The following MTMR8 variants were observed in gnomAD, a reference collection of about 807,000 sequenced individuals.
MTMR8 encodes the protein myotubularin related protein 8, also known as phosphatidylinositol-3,5-bisphosphate 3-phosphatase MTMR8.
In MTMR8, 65 loss-of-function variants were observed where a neutral mutation model predicts 39.3. That is an observed-to-expected ratio of 1.65 (90% confidence interval 1.35 to 2.03). The LOEUF is 2.03. MTMR8 is among the 30% of genes most tolerant of loss of function. The probability of loss-of-function intolerance (pLI) is 0.00; values close to 1 mark genes in which losing one functional copy is unlikely to be tolerated. For synonymous variants in MTMR8, 245 were observed against 185.2 expected (o/e 1.32, Z -2.62); for missense variants, 777 against 538.9 (o/e 1.44, Z -4.37).
At chrX:64,370,083 A>T (rs1924087886) in intron 1 of MTMR8, among the ~76,000 whole-genome samples, 2 of 111,563 alleles carry the variant, frequency 1.8e-5, no homozygotes, top group Non-Finnish European at 3.8e-5. Context: ...GTAATTAAAT[A>T]AAAACAAGAG....
intron 12 of MTMR8, among the ~76,000 whole-genome samples, chrX:64,316,453 C>G (rs1922468067): frequency 9.0e-6 from 1 of 111,446 alleles, no homozygotes; most frequent in Admixed American, 9.5e-5. Context: ...TCAAGACCAG[C>G]CTGGAGAATG....
At chrX:64,386,096 CAA>C (rs1170441790) in intron 1 of MTMR8, among the ~76,000 whole-genome samples, 1 of 101,525 alleles carries the variant, frequency 9.8e-6, no homozygotes. Flanking sequence ...TTCACCCTGA[CAA>C]AAAAAAAAAG....
At chrX:64,386,981 G>A (rs1296889903) in intron 1 of MTMR8, among the ~76,000 whole-genome samples, 4 of 111,507 alleles carry the variant, frequency 3.6e-5, no homozygotes, top group Non-Finnish European at 7.5e-5. Context: ...TTAAGCCTGG[G>A]AAGTTGAGGC....
intron 12 of MTMR8, among the ~76,000 whole-genome samples, chrX:64,271,297 C>T (rs778589120): frequency 9.0e-6 from 1 of 111,615 alleles, no homozygotes; most frequent in African/African-American, 3.3e-5. Flanking sequence ...CTTGAGCAAA[C>T]TTGAGGTTCT....
At chrX:64,354,733 C>T in intron 4 of MTMR8, 44 bp downstream of exon 4, 2 of 1,117,968 alleles carry the variant, frequency 1.8e-6, no homozygotes, top group Non-Finnish European at 2.4e-6. Flanking sequence ...ATTCTACCAT[C>T]TTAATTAAAT....
At chrX:64,349,507 G>A (rs1569225947) in intron 5 of MTMR8, among the ~76,000 whole-genome samples, 1 of 110,841 alleles carries the variant, frequency 9.0e-6, no homozygotes, top group Non-Finnish European at 1.9e-5. Context: ...TCCTACATAA[G>A]TAAGGGGATT....
chrX:64,366,286 A>G (rs999730965), intron 1 of MTMR8, among the ~76,000 whole-genome samples: 1 of 111,882 alleles, frequency 8.9e-6, no homozygotes, highest in African/African-American at 3.3e-5. Context: ...TATCCACCCC[A>G]AATCAACAGA....
chrX:64,355,747 C>T (rs779207122), intron 3 of MTMR8, among the ~76,000 whole-genome samples: 1 of 110,685 alleles, frequency 9.0e-6, no homozygotes, highest in Non-Finnish European at 1.9e-5. Context: ...TGATGAACTG[C>T]CTTAGTCTTC....
intron 1 of MTMR8, among the ~76,000 whole-genome samples, chrX:64,363,701 C>T (rs1923861218): frequency 8.9e-6 from 1 of 111,845 alleles, no homozygotes; most frequent in Non-Finnish European, 1.9e-5. Flanking sequence ...TTCTGCATTT[C>T]CAACTGAGGT....
chrX:64,285,482 A>T (rs1451332909), intron 12 of MTMR8, among the ~76,000 whole-genome samples: 1 of 111,658 alleles, frequency 9.0e-6, no homozygotes, highest in African/African-American at 3.3e-5. Context: ...CCTAATAGAC[A>T]TCTACAGAAC....
chrX:64,362,822 T>A (rs1369649370), intron 1 of MTMR8, among the ~76,000 whole-genome samples: 3 of 103,118 alleles, frequency 2.9e-5, no homozygotes, highest in East Asian at 5.7e-4. Flanking sequence ...GGAGAACATA[T>A]GTGCCACTCC....
At chrX:64,353,591 A>T (rs1353636732) in intron 4 of MTMR8, among the ~76,000 whole-genome samples, 1 of 111,998 alleles carries the variant, frequency 8.9e-6, no homozygotes, top group Non-Finnish European at 1.9e-5. Flanking sequence ...GCAATAATGG[A>T]TACTGGTGAG....
intron 12 of MTMR8, among the ~76,000 whole-genome samples, chrX:64,327,964 C>T (rs1281629344): frequency 8.9e-6 from 1 of 112,113 alleles, no homozygotes; most frequent in Non-Finnish European, 1.9e-5. Context: ...CTCTATACCT[C>T]ATATGTAGTA....
At chrX:64,381,355 A>G (rs1337758228) in intron 1 of MTMR8, among the ~76,000 whole-genome samples, 2 of 111,281 alleles carry the variant, frequency 1.8e-5, no homozygotes, top group Non-Finnish European at 1.9e-5. Context: ...GCCAGTGATG[A>G]TGAGCATTTT....
intron 1 of MTMR8, among the ~76,000 whole-genome samples, chrX:64,366,251 C>T (rs772399928): frequency 9.0e-6 from 1 of 111,696 alleles, no homozygotes; most frequent in East Asian, 2.8e-4. Flanking sequence ...TGGCACCAAG[C>T]AGACCTAACA....
chrX:64,365,633 C>T (rs1257097159), intron 1 of MTMR8, among the ~76,000 whole-genome samples: 2 of 111,701 alleles, frequency 1.8e-5, no homozygotes, highest in African/African-American at 3.3e-5. Flanking sequence ...AAAGGAACAA[C>T]CATTACCAGC....
chrX:64,299,297 T>C (rs1921750168), intron 12 of MTMR8, among the ~76,000 whole-genome samples: 1 of 73,537 alleles, frequency 1.4e-5, no homozygotes, highest in Non-Finnish European at 2.5e-5. Flanking sequence ...TTCTTCCTGG[T>C]TTAGTCTTGG....
chrX:64,382,294 A>T (rs1224039763), intron 1 of MTMR8, among the ~76,000 whole-genome samples: 3 of 111,621 alleles, frequency 2.7e-5, no homozygotes, highest in Non-Finnish European at 5.6e-5. Context: ...AGTGGCTTGT[A>T]GTTCTCCTTG....
In MTMR8 at chrX:64,327,248, T is replaced by A. The variant is rs1387400358; in HGVS notation, c.1481+1524A>T. On this transcript the variant is annotated intron_variant, in intron 12 of 13. Transcript: ENST00000374852. ...GGAAACAATCAACAAAGTGAAGAGA[T>A]AACCCACAGAATGGAAGAAAATATT... Among the ~76,000 whole-genome samples, 5 of 111,538 alleles carry A rather than the reference T, an allele frequency of 4.5e-5. No homozygotes were observed. The South Asian group carries it at 1.1e-3, about 25-fold the overall frequency.
Sources: allele counts gnomAD v4.1 joint callset (sites outside exome capture counted in the v4.1 genomes callset), GRCh38; gene constraint gnomAD v4.1.1; transcripts MANE v1.5; gene names NCBI Gene and HGNC (gene_info 2026-07-23, HGNC 2026-07-21).